Variants in VSIG10L2 observed in about 807,000 individuals in gnomAD.
VSIG10L2 encodes V-set and immunoglobulin domain containing 10 like 2.
In VSIG10L2, 56 loss-of-function variants were observed where a neutral mutation model predicts 67.1. That is an observed-to-expected ratio of 0.83 (90% CI 0.67 to 1.04). VSIG10L2 has a LOEUF of 1.04. Among genes scored for constraint, VSIG10L2 ranks in the 50% least tolerant of loss-of-function variants. The probability of loss-of-function intolerance (pLI) is 0.00; values close to 1 mark genes in which losing one functional copy is unlikely to be tolerated. For missense variants in VSIG10L2, 843 were observed against 932.8 expected (o/e 0.90, Z 1.25); for synonymous variants, 360 against 396.6 (o/e 0.91, Z 1.10).
At chr11:125,952,120 GA>G (rs1382192627) in intron 6 of VSIG10L2, 47 bp downstream of exon 6, 1 of 1,494,706 alleles carries the variant, frequency 6.7e-7, no homozygotes, top group African/African-American at 1.4e-5. Context: ...ACAGGAGGAG[GA>G]ACCCTTTGGA....
chr11:125,949,882 C>G, intron 3 of VSIG10L2, 132 bp from the exon 4 acceptor site: 3 of 975,482 alleles, frequency 3.1e-6, no homozygotes, highest in Non-Finnish European at 4.0e-6. Context: ...CTAAGAGGGC[C>G]TAGCCTTGGG....
Position 125,954,111 on chromosome 11 carries a change from C to T in VSIG10L2, c.1811C>T (p.Thr604Ile), listed in dbSNP as rs1398689790. 10 of 1,232,112 alleles carry T rather than the reference C, an allele frequency of 8.1e-6. No individual in the cohort carries two copies. The highest frequency in any genetic ancestry group is 8.1e-6 in the Non-Finnish European group (8 of 988,054). The allele number at this position is 1,232,112 out of a possible 1,614,324, so 76.3% of individuals were successfully genotyped here. The change falls in exon 8 of 12, where the codon ACC (threonine) becomes ATC (isoleucine). Residue 604 changes from threonine to isoleucine, a missense_variant. Transcript: ENST00000686984. ...GGATATCCAGCTCCTCCCAATGTCA[C>T]CATCAGCCGCCTGACCTACGGGAGG... ...VLRYPAPPNV[T>I]ISRLTYGRHR...
chr11:125,949,613 G>A (rs1426662525), intron 3 of VSIG10L2, among the ~76,000 whole-genome samples: 1 of 152,138 alleles, frequency 6.6e-6, no homozygotes, highest in East Asian at 1.9e-4. Context: ...GAAGTGAAAG[G>A]AGGTGGCTGC....
chr11:125,948,605 C>T lies in VSIG10L2; in HGVS notation c.709+25C>T, dbSNP rs1412657831. The T allele has an allele frequency of 4.1e-6, 5 of 1,231,856 alleles. No individual in the cohort carries two copies. The East Asian group carries it at 1.6e-4, about 39-fold the overall frequency. 76.3% of individuals were successfully genotyped at this position (1,231,856 alleles called of 1,614,324 possible). A position where few individuals can be genotyped will look rare whatever the true frequency, so the allele number is the denominator to read the frequency against. ...TGTGAGTCAGACTGTGGTGGGGGGG[C>T]TGTCAGGGCTGACACCCATCTCCCC... On this transcript the variant is annotated intron_variant, in intron 3 of 11. Transcript: ENST00000686984.
At chr11:125,948,604 G>A in intron 3 of VSIG10L2, 24 bp downstream of exon 3, 2 of 1,231,942 alleles carry the variant, frequency 1.6e-6, no homozygotes, top group Non-Finnish European at 2.0e-6. Context: ...TGGTGGGGGG[G>A]CTGTCAGGGC....
intron 1 of VSIG10L2, 115 bp from the exon 2 acceptor site, chr11:125,947,570 AC>A (rs755556230): frequency 2.4e-6 from 3 of 1,230,832 alleles, no homozygotes; most frequent in South Asian, 4.2e-5. Context: ...GTCTTCCTGA[AC>A]CCTGCCTGGG....
At chr11:125,954,048 G>A in intron 7 of VSIG10L2, 39 bp from the exon 8 acceptor site, 4 of 1,227,830 alleles carry the variant, frequency 3.3e-6, no homozygotes, top group Non-Finnish European at 4.1e-6. Flanking sequence ...CGTGGTTGTA[G>A]GTATACATGT....
In VSIG10L2 at chr11:125,948,491, TCAACCGGA is replaced by T; in HGVS notation, c.623_630del (p.Asn208ThrfsTer19). 1 of 1,232,208 alleles carries T rather than the reference TCAACCGGA, an allele frequency of 8.1e-7. No homozygotes were observed. Among genetic ancestry groups the T allele is most frequent in the Non-Finnish European group, 1.0e-6 (1 of 988,002 alleles). 76.3% of individuals were successfully genotyped at this position (1,232,208 alleles called of 1,614,324 possible). A position where few individuals can be genotyped will look rare whatever the true frequency, so the allele number is the denominator to read the frequency against. On this transcript the variant is annotated frameshift_variant, in exon 3 of 12. Transcript: ENST00000686984. LOFTEE classifies it high-confidence loss of function. ...GAGCCACTATTCCAGCTGGACCCTG[TCAACCGGA>T]CACACCTAGGGTGGTACATGTGCAG...
Position 125,947,898 on chromosome 11 carries a change from G to T in VSIG10L2, c.295G>T (p.Val99Phe). The T allele has an allele frequency of 8.1e-7, 1 of 1,232,364 alleles. No individual in the cohort carries two copies. The highest frequency in any genetic ancestry group is 1.0e-6 in the Non-Finnish European group (1 of 988,110). 76.3% of individuals were successfully genotyped at this position (1,232,364 alleles called of 1,614,324 possible). A position where few individuals can be genotyped will look rare whatever the true frequency, so the allele number is the denominator to read the frequency against. Reference sequence around the variant, plus strand: ...GGAGGCCATCGCCTCGGCTCTGGGAGTCGTGAGTCTGAGGAACAGCAGCCT... The same window carrying T: ...GGAGGCCATCGCCTCGGCTCTGGGATTCGTGAGTCTGAGGAACAGCAGCCT... ...KVEAIASALG[V>F]VSLRNSSLVL... The change falls in exon 2 of 12, where the codon GTC (valine) becomes TTC (phenylalanine). Residue 99 changes from valine to phenylalanine, a missense_variant. Physicochemically the swap from Val to Phe is conservative, Grantham distance 50. This residue lies in a region of VSIG10L2 where 446 missense variants were observed against 548.4 expected (regional missense o/e 0.81). Transcript: ENST00000686984.
Position 125,948,513 on chromosome 11 carries a change from G to A in VSIG10L2, c.642G>A (p.Trp214Ter), listed in dbSNP as rs635329. 0.084 allele frequency: 104,056 copies of A among 1,232,190 alleles called. 4,988 individuals carry two copies. The highest frequency in any genetic ancestry group is 0.2 in the Admixed American group (4,658 of 23,710). The allele number at this position is 1,232,190 out of a possible 1,614,324, so 76.3% of individuals were successfully genotyped here. The change falls in exon 3 of 12, where the codon TGG (tryptophan) becomes TGA (stop). Residue 214 changes from tryptophan (W) to a stop codon, truncating the protein, a stop_gained. Transcript: ENST00000686984. LOFTEE classifies it high-confidence loss of function. ...CTGTCAACCGGACACACCTAGGGTGGTACATGTGCAGCGCCAGCAACTCCG... is the reference window on the plus strand; with the variant it reads ...CTGTCAACCGGACACACCTAGGGTGATACATGTGCAGCGCCAGCAACTCCG... ...LDPVNRTHLG[W>*]YMCSASNSVN...
intron 1 of VSIG10L2, 168 bp from the exon 2 acceptor site, chr11:125,947,518 A>G: frequency 1.0e-6 from 1 of 985,346 alleles, no homozygotes; most frequent in Non-Finnish European, 1.2e-6. Context: ...GCTCCCACAC[A>G]AACTGTCTCT....
chr11:125,948,812 G>A lies in VSIG10L2; in HGVS notation c.709+232G>A, dbSNP rs111528170. ...CAAGGACACCCTTTTCCAGGAAAAC[G>A]TGCATACATTCATGCTTACAATTTC... On this transcript the variant is annotated intron_variant, in intron 3 of 11. Coordinates refer to ENST00000686984, the MANE Select transcript of VSIG10L2 (RefSeq NM_001365077.2). Among the ~76,000 whole-genome samples the A allele has an allele frequency of 1.7e-3, 259 of 152,384 alleles. 2 individuals carry two copies. The highest frequency in any genetic ancestry group is 4.2e-3 in the African/African-American group (175 of 41,594).
chr11:125,949,040 G>A (rs577795450), intron 3 of VSIG10L2, among the ~76,000 whole-genome samples: 101 of 152,346 alleles, frequency 6.6e-4, no homozygotes, highest in African/African-American at 2.1e-3. Flanking sequence ...TGGCAGCCAC[G>A]CATGTGTATC....
rs1472269460 is a variant in VSIG10L2 at position 125,951,928 on chromosome 11, C to T, written c.1350C>T (p.Asp450=). The part of the protein sequence containing the change: ...GEPPATLGWL[D]EQQQPLGGSS... Reference sequence around the variant, plus strand: ...CCCCTGCCACGCTGGGCTGGCTTGACGAACAGCAGCAGCCCCTGGGCGGCA... The same window carrying T: ...CCCCTGCCACGCTGGGCTGGCTTGATGAACAGCAGCAGCCCCTGGGCGGCA... Residue 450 remains aspartate (D), a synonymous_variant, in exon 6 of 12, where the codon GAC becomes GAT. Coordinates refer to ENST00000686984, the MANE Select transcript of VSIG10L2 (RefSeq NM_001365077.2). The T allele has an allele frequency of 1.1e-5, 17 of 1,535,824 alleles. No homozygotes were observed. In the East Asian group the frequency reaches 1.2e-4, roughly 11 times the overall value.
chr11:125,955,572 G>A (rs1421559101), intron 10 of VSIG10L2, 43 bp from the exon 11 acceptor site: 15 of 1,474,858 alleles, frequency 1.0e-5, no homozygotes, highest in Middle Eastern at 1.8e-4. Flanking sequence ...GAAAGCGAGG[G>A]AAGTGAGTTG....
chr11:125,956,261 G>GA lies in VSIG10L2; in HGVS notation c.*354dup, dbSNP rs753977079. The stretch of plus-strand genomic sequence containing the variant: ...AGTATGAGCAAGCTAGCTGCTTCCA[G>GA]AAAAAAAGTCTGTGGATGGAGCAAT... On this transcript the variant is annotated 3_prime_UTR_variant, in exon 12 of 12. Coordinates refer to ENST00000686984, the MANE Select transcript of VSIG10L2 (RefSeq NM_001365077.2). 2.4e-5 allele frequency: 13 copies of GA among 532,300 alleles called. No individual in the cohort carries two copies. Among genetic ancestry groups the GA allele is most frequent in the South Asian group, 1.5e-4 (10 of 65,694 alleles). 33.0% of individuals were successfully genotyped at this position (532,300 alleles called of 1,614,324 possible).
chr11:125,955,561 G>C, intron 10 of VSIG10L2, 54 bp from the exon 11 acceptor site: 1 of 1,450,586 alleles, frequency 6.9e-7, no homozygotes, highest in Admixed American at 2.0e-5. Context: ...CAGTTGGAAA[G>C]GAAAGCGAGG....
In VSIG10L2 at chr11:125,951,772, C is replaced by A. The variant is rs1591530205; in HGVS notation, c.1235-41C>A. 1.0e-5 allele frequency: 15 copies of A among 1,442,144 alleles called. No individual in the cohort carries two copies. In the East Asian group the frequency reaches 3.8e-4, roughly 36 times the overall value. 89.3% of individuals were successfully genotyped at this position (1,442,144 alleles called of 1,614,324 possible). A position where few individuals can be genotyped will look rare whatever the true frequency, so the allele number is the denominator to read the frequency against. On this transcript the variant is annotated intron_variant, in intron 5 of 11. Transcript: ENST00000686984. Reference sequence around the variant, plus strand: ...GATAGGGTGGAACTGCCAAGCCCTTCCTCCTTCCACAGGGCCATACTGAGC... The same window carrying A: ...GATAGGGTGGAACTGCCAAGCCCTTACTCCTTCCACAGGGCCATACTGAGC...
rs1455215818 is a variant in VSIG10L2 at position 125,951,937 on chromosome 11, G to A, written c.1359G>A (p.Gln453=). The A allele has an allele frequency of 2.0e-6, 3 of 1,535,990 alleles. No homozygotes were observed. The highest frequency in any genetic ancestry group is 2.4e-5 in the East Asian group (1 of 40,928). The part of the protein sequence containing the change: ...PATLGWLDEQ[Q]QPLGGSSSSM... ...CGCTGGGCTGGCTTGACGAACAGCAGCAGCCCCTGGGCGGCAGCAGCTCCT... is the reference window on the plus strand; with the variant it reads ...CGCTGGGCTGGCTTGACGAACAGCAACAGCCCCTGGGCGGCAGCAGCTCCT... Residue 453 remains glutamine, a synonymous_variant, in exon 6 of 12, where the codon CAG becomes CAA. Transcript: ENST00000686984.
Sources: allele counts gnomAD v4.1 joint callset (sites outside exome capture counted in the v4.1 genomes callset), GRCh38; gene constraint gnomAD v4.1.1; regional missense constraint gnomAD v4.1.1; transcripts MANE v1.5; gene names NCBI Gene and HGNC (gene_info 2026-07-23, HGNC 2026-07-21).